Variants in MMP26 observed in about 807,000 individuals in gnomAD.
The protein encoded by MMP26 is matrix metallopeptidase 26.
In MMP26, 33 loss-of-function variants were observed where a neutral mutation model predicts 31.0. That is an observed-to-expected ratio of 1.06 (90% CI 0.81 to 1.42). The LOEUF is 1.42. MMP26 is among the 40% of genes most tolerant of loss of function. The pLI is 0.00. For synonymous variants in MMP26, 122 were observed against 114.9 expected (o/e 1.06, Z -0.40); for missense variants, 347 against 316.1 (o/e 1.10, Z -0.74).
At chr11:4,834,662 C>T (rs1239777854) in intron 2 of MMP26, among the ~76,000 whole-genome samples, 2 of 152,148 alleles carry the variant, frequency 1.3e-5, no homozygotes, top group African/African-American at 4.8e-5. Flanking sequence ...ACTAGGGACT[C>T]GGTCAGGAAC....
At chr11:4,826,482 G>A (rs1849579936) in intron 2 of MMP26, among the ~76,000 whole-genome samples, 1 of 152,066 alleles carries the variant, frequency 6.6e-6, no homozygotes, top group Admixed American at 6.6e-5. Context: ...TGCCATTGTT[G>A]TTTCAGTGGA....
intron 4 of MMP26, 52 bp downstream of exon 4, chr11:4,989,920 G>T: frequency 6.8e-7 from 1 of 1,462,992 alleles, no homozygotes; most frequent in East Asian, 2.3e-5. Context: ...GACCTCAAAG[G>T]GCTTTCTACC....
chr11:4,848,509 C>T (rs752429033), intron 2 of MMP26: 3 of 1,613,548 alleles, frequency 1.9e-6, no homozygotes, highest in Admixed American at 1.7e-5. Context: ...GACTCCACAC[C>T]TTGCAACACC....
At chr11:4,809,675 G>C (rs552211092) in intron 2 of MMP26, among the ~76,000 whole-genome samples, 1 of 152,312 alleles carries the variant, frequency 6.6e-6, no homozygotes, top group South Asian at 2.1e-4. Context: ...TGGAAATGTT[G>C]TGTGTGGAGG....
At chr11:4,881,963 C>T in intron 2 of MMP26, 10 of 1,613,878 alleles carry the variant, frequency 6.2e-6, no homozygotes, top group Non-Finnish European at 8.5e-6. Flanking sequence ...ATTCCCTGGG[C>T]TGGAATGTGC....
chr11:4,825,619 T>A (rs576272305), intron 2 of MMP26, among the ~76,000 whole-genome samples: 5 of 152,278 alleles, frequency 3.3e-5, no homozygotes, highest in African/African-American at 1.2e-4. Flanking sequence ...TAGATTCAGA[T>A]CCATAGTTAC....
intron 2 of MMP26, among the ~76,000 whole-genome samples, chr11:4,886,495 T>G (rs1181698989): frequency 6.6e-6 from 1 of 152,078 alleles, no homozygotes; most frequent in East Asian, 1.9e-4. Flanking sequence ...GGGTACATTC[T>G]ATTGTCATTA....
chr11:4,879,818 T>TAA (rs1340685895), intron 2 of MMP26, among the ~76,000 whole-genome samples: 1 of 151,946 alleles, frequency 6.6e-6, no homozygotes, highest in African/African-American at 2.4e-5. Context: ...GCCAGGAGAG[T>TAA]AATGAGACCT....
intron 2 of MMP26, chr11:4,822,324 T>C: frequency 6.7e-7 from 1 of 1,500,590 alleles, no homozygotes. Context: ...TTAAGCAGAT[T>C]CAAAAGGCCA....
At chr11:4,744,181 G>A (rs11033673) in intron 1 of MMP26, among the ~76,000 whole-genome samples, 2,570 of 152,046 alleles carry the variant, frequency 0.017, 31 homozygotes, top group East Asian at 0.06. Flanking sequence ...ATCTCAACTA[G>A]GTTTCACACT....
At chr11:4,728,818 C>A (rs866230876) in intron 1 of MMP26, among the ~76,000 whole-genome samples, 7 of 152,050 alleles carry the variant, frequency 4.6e-5, no homozygotes, top group African/African-American at 1.4e-4. Context: ...CATACACAAA[C>A]ATACACACAG....
At chr11:4,937,236 A>G (rs527938241) in intron 2 of MMP26, 2 of 152,250 alleles carry the variant, frequency 1.3e-5, no homozygotes, top group African/African-American at 2.4e-5. Flanking sequence ...CATTCTGTGA[A>G]CTCCATCTGA....
At chr11:4,773,564 T>TA (rs1451895987) in intron 2 of MMP26, among the ~76,000 whole-genome samples, 2 of 151,392 alleles carry the variant, frequency 1.3e-5, no homozygotes, top group Non-Finnish European at 1.5e-5. Context: ...ACTCCTGACT[T>TA]ACAGGAATTC....
chr11:4,755,044 G>A (rs1478006351), intron 1 of MMP26, among the ~76,000 whole-genome samples: 1 of 151,862 alleles, frequency 6.6e-6, no homozygotes, highest in Non-Finnish European at 1.5e-5. Flanking sequence ...TCAGAAATCT[G>A]CATAGACTTT....
intron 2 of MMP26, among the ~76,000 whole-genome samples, chr11:4,967,583 G>A (rs1846613507): frequency 6.6e-6 from 1 of 152,146 alleles, no homozygotes; most frequent in Non-Finnish European, 1.5e-5. Flanking sequence ...TGGGAACGGT[G>A]TAAGCCAGGT....
intron 2 of MMP26, among the ~76,000 whole-genome samples, chr11:4,962,851 AG>A (rs1375339317): frequency 6.6e-6 from 1 of 152,200 alleles, no homozygotes; most frequent in East Asian, 1.9e-4. Context: ...GCAAAGGCAA[AG>A]TAGCAACTGT....
At chr11:4,776,549 G>T (rs1056136236) in intron 2 of MMP26, among the ~76,000 whole-genome samples, 1 of 152,046 alleles carries the variant, frequency 6.6e-6, no homozygotes, top group Non-Finnish European at 1.5e-5. Context: ...TTAGTGATAT[G>T]GTTTGGCTCT....
At chr11:4,766,656 ATT>A (rs1377204263) in intron 1 of MMP26, among the ~76,000 whole-genome samples, 1 of 147,852 alleles carries the variant, frequency 6.8e-6, no homozygotes, top group East Asian at 2.1e-4. Flanking sequence ...TTGGAAACTT[ATT>A]TAAGTTACAT....
intron 1 of MMP26, chr11:4,751,910 A>G (rs761768825): frequency 1.1e-4 from 17 of 152,154 alleles, no homozygotes; most frequent in Non-Finnish European, 2.5e-4. Context: ...CATTGTGGAG[A>G]CATTTGAATT....
Sources: allele counts gnomAD v4.1 joint callset (sites outside exome capture counted in the v4.1 genomes callset), GRCh38; gene constraint gnomAD v4.1.1; transcripts MANE v1.5; gene names NCBI Gene and HGNC (gene_info 2026-07-23, HGNC 2026-07-21).